Variants in SPOCK3 observed in about 807,000 individuals in gnomAD.
SPOCK3 encodes SPARC (osteonectin), cwcv and kazal like domains proteoglycan 3.
Under a neutral mutation model 56.6 loss-of-function variants are expected in SPOCK3, and 30 were observed. That is an observed-to-expected ratio of 0.53 (90% CI 0.40 to 0.72). SPOCK3 has a LOEUF of 0.72. Ranked by LOEUF, SPOCK3 falls within the 30% of genes least tolerant of loss-of-function variation. The probability of loss-of-function intolerance (pLI) is 0.00; values close to 1 mark genes in which losing one functional copy is unlikely to be tolerated. For synonymous variants in SPOCK3, 196 were observed against 183.3 expected, an observed-to-expected ratio of 1.07 and a Z score of -0.56; for missense variants, 527 against 530.0, an observed-to-expected ratio of 0.99 and a Z score of 0.06.
At chr4:167,222,443 C>A (rs759020864) in intron 2 of SPOCK3, among the ~76,000 whole-genome samples, 3 of 146,090 alleles carry the variant, frequency 2.1e-5, no homozygotes, top group Admixed American at 6.9e-5. Context: ...TTATGTCGTG[C>A]TTTTTACAAT....
At chr4:166,736,038 C>G (rs918926872) in intron 10 of SPOCK3, among the ~76,000 whole-genome samples, 3 of 152,030 alleles carry the variant, frequency 2.0e-5, no homozygotes, top group African/African-American at 7.2e-5. Flanking sequence ...ATTTTATACT[C>G]TTTCTAATAT....
intron 2 of SPOCK3, among the ~76,000 whole-genome samples, chr4:167,082,309 C>G (rs1561196857): frequency 6.6e-6 from 1 of 152,052 alleles, no homozygotes. Context: ...CTTGTGTGAT[C>G]TGTTTGGTTT....
At chr4:167,023,057 A>G (rs1283765673) in intron 3 of SPOCK3, among the ~76,000 whole-genome samples, 1 of 151,960 alleles carries the variant, frequency 6.6e-6, no homozygotes, top group African/African-American at 2.4e-5. Flanking sequence ...ATGTATAGAG[A>G]CTATGCACAG....
rs1028717824 is a variant in SPOCK3 at position 166,734,761 on chromosome 4, A to G, written c.*160T>C. 1.2e-5 allele frequency: 7 copies of G among 605,438 alleles called. No homozygotes were observed. The highest frequency in any genetic ancestry group is 1.9e-5 in the Non-Finnish European group (7 of 368,802). The allele number at this position is 605,438 out of a possible 1,614,324, so 37.5% of individuals were successfully genotyped here. A position where few individuals can be genotyped will look rare whatever the true frequency, so the allele number is the denominator to read the frequency against. ...CAAAGCAAATGATTCTTATTTAAAC[A>G]TAAAGTTCTATAACTTTAGCTGCAA... is the stretch of plus-strand genomic sequence containing the variant. On this transcript the variant is annotated 3_prime_UTR_variant, in exon 11 of 11. Coordinates refer to ENST00000357545, the MANE Select transcript of SPOCK3 (RefSeq NM_001040159.2).
chr4:166,995,912 T>C (rs879411276), intron 4 of SPOCK3, among the ~76,000 whole-genome samples: 2 of 152,148 alleles, frequency 1.3e-5, no homozygotes, highest in African/African-American at 2.4e-5. Flanking sequence ...TGGAACACTA[T>C]ATAACTTATG....
intron 6 of SPOCK3, among the ~76,000 whole-genome samples, chr4:166,811,226 CTTTA>C (rs1743740981): frequency 6.6e-6 from 1 of 150,784 alleles, no homozygotes; most frequent in Admixed American, 6.6e-5. Context: ...GTCCTTTTGT[CTTTA>C]TTCTTTTCTT....
intron 6 of SPOCK3, among the ~76,000 whole-genome samples, chr4:166,882,390 T>G (rs867338604): frequency 6.6e-6 from 1 of 152,338 alleles, no homozygotes; most frequent in Middle Eastern, 3.4e-3. Flanking sequence ...CAAACCACAC[T>G]GTACCATGGT....
At chr4:167,205,527 T>A (rs1478725879) in intron 2 of SPOCK3, among the ~76,000 whole-genome samples, 2 of 57,076 alleles carry the variant, frequency 3.5e-5, no homozygotes, top group Non-Finnish European at 5.8e-5. Context: ...ATTATATATA[T>A]TATTATATAA....
intron 3 of SPOCK3, among the ~76,000 whole-genome samples, chr4:167,015,401 A>T (rs938250857): frequency 1.3e-5 from 2 of 152,302 alleles, no homozygotes; most frequent in Admixed American, 6.5e-5. Context: ...TAGAATTTAA[A>T]CCTAAGAATT....
At chr4:166,754,906 T>G (rs1457565389) in intron 7 of SPOCK3, among the ~76,000 whole-genome samples, 177 bp from the exon 8 acceptor site, 1 of 152,124 alleles carries the variant, frequency 6.6e-6, no homozygotes, top group East Asian at 1.9e-4. Flanking sequence ...TAGTAGTATC[T>G]ACATTTCAGG....
At chr4:166,947,337 C>G (rs1561041291) in intron 4 of SPOCK3, among the ~76,000 whole-genome samples, 1 of 152,084 alleles carries the variant, frequency 6.6e-6, no homozygotes, top group Non-Finnish European at 1.5e-5. Context: ...CACAGATTTT[C>G]TAAACTTTTA....
chr4:167,014,569 T>TCCTGA (rs1359162037), intron 3 of SPOCK3, among the ~76,000 whole-genome samples: 1 of 152,214 alleles, frequency 6.6e-6, no homozygotes, highest in East Asian at 1.9e-4. Context: ...GCAGAAGGAT[T>TCCTGA]ACTTAAGTTC....
rs1314961619 is a variant in SPOCK3 at position 166,737,574 on chromosome 4, C to A, written c.1025G>T (p.Gly342Val). 6.2e-7 allele frequency: 1 copy of A among 1,612,716 alleles called. No homozygotes were observed. Among genetic ancestry groups the A allele is most frequent in the Non-Finnish European group, 8.5e-7 (1 of 1,179,364 alleles). Residue 342 changes from glycine (G) to valine (V), a missense_variant, in exon 10 of 11, where the codon GGT becomes GTT. Physicochemically the swap from Gly to Val is moderately radical, Grantham distance 109 (BLOSUM62 -3). Transcript: ENST00000357545. ...ATGACATTGTGTTGGCTTGTAGTAA[C>A]CATCTTCATCACACAGGGGGATATA... ...GQYIPLCDED[G>V]YYKPTQCHGS...
At chr4:166,922,895 G>A (rs577492432) in intron 4 of SPOCK3, among the ~76,000 whole-genome samples, 17 of 152,202 alleles carry the variant, frequency 1.1e-4, no homozygotes, top group South Asian at 6.2e-4. Flanking sequence ...TTTTCCTTTC[G>A]TTAGATCACA....
intron 7 of SPOCK3, among the ~76,000 whole-genome samples, chr4:166,772,009 TA>T (rs1675795546): frequency 6.6e-6 from 1 of 152,082 alleles, no homozygotes; most frequent in African/African-American, 2.4e-5. Context: ...AAACTGCCTC[TA>T]AATAAATTCC....
chr4:167,015,450 A>T (rs893790757), intron 3 of SPOCK3, among the ~76,000 whole-genome samples: 1 of 152,208 alleles, frequency 6.6e-6, no homozygotes, highest in South Asian at 2.1e-4. Context: ...AACCTAGTTT[A>T]CAAATTAAAG....
chr4:166,888,294 T>G (rs1217838604), intron 6 of SPOCK3, among the ~76,000 whole-genome samples: 2 of 152,088 alleles, frequency 1.3e-5, no homozygotes, highest in Non-Finnish European at 2.9e-5. Context: ...TTATCCACAC[T>G]AATAAGGGCA....
intron 3 of SPOCK3, among the ~76,000 whole-genome samples, chr4:167,024,777 A>G (rs1261329346): frequency 1.3e-5 from 2 of 151,986 alleles, no homozygotes; most frequent in Admixed American, 1.3e-4. Context: ...GGTCACCAAA[A>G]TCTCACAAAT....
chr4:167,222,832 T>C (rs1736122528), intron 2 of SPOCK3, among the ~76,000 whole-genome samples: 1 of 127,592 alleles, frequency 7.8e-6, no homozygotes. Context: ...TAAACATAGA[T>C]ATATATTGAT....
Sources: gnomAD v4.1 joint callset for allele counts (sites outside exome capture counted in the v4.1 genomes callset) on GRCh38, gnomAD v4.1.1 for gene constraint, MANE v1.5 for transcripts, NCBI Gene and HGNC (gene_info 2026-07-23, HGNC 2026-07-21) for gene names.